The following IQCM variants were observed in gnomAD, a reference collection of about 807,000 sequenced individuals.
The protein encoded by IQCM is IQ domain-containing protein M.
Under a neutral mutation model 57.6 loss-of-function variants are expected in IQCM, and 45 were observed. That is an observed-to-expected ratio of 0.78 (90% CI 0.62 to 1.00). IQCM has a LOEUF of 1.00. Among genes scored for constraint, IQCM ranks in the 50% least tolerant of loss-of-function variants. The pLI is 0.00. For synonymous variants in IQCM, 148 were observed against 158.9 expected, an observed-to-expected ratio of 0.93 and a Z score of 0.51; for missense variants, 468 against 511.6, an observed-to-expected ratio of 0.91 and a Z score of 0.82.
At chr4:149,490,106 G>A (rs1402536292) in intron 12 of IQCM, among the ~76,000 whole-genome samples, 1 of 151,890 alleles carries the variant, frequency 6.6e-6, no homozygotes, top group Non-Finnish European at 1.5e-5. Context: ...ACTATAATAG[G>A]TTGGAGAAAT....
At chr4:149,748,002 T>G (rs966109187) in intron 2 of IQCM, among the ~76,000 whole-genome samples, 7 of 152,152 alleles carry the variant, frequency 4.6e-5, no homozygotes, top group Non-Finnish European at 1.0e-4. Context: ...GCAAACCAAT[T>G]AACCTCTCTG....
chr4:149,409,080 T>A (rs1429907530), intron 13 of IQCM, among the ~76,000 whole-genome samples: 1 of 152,190 alleles, frequency 6.6e-6, no homozygotes, highest in Admixed American at 6.5e-5. Context: ...CTGCCCCATG[T>A]CATTCTGGAA....
chr4:149,521,839 C>T (rs867496923), intron 12 of IQCM, among the ~76,000 whole-genome samples: 2 of 152,150 alleles, frequency 1.3e-5, no homozygotes, highest in African/African-American at 2.4e-5. Context: ...TGCTTTGTCT[C>T]CAGACAAGAT....
chr4:149,541,871 C>G (rs1747885167), intron 12 of IQCM, among the ~76,000 whole-genome samples: 1 of 152,040 alleles, frequency 6.6e-6, no homozygotes, highest in East Asian at 1.9e-4. Flanking sequence ...TACATATGCG[C>G]TCAGGTGAAA....
chr4:149,517,211 C>T (rs772734051), intron 12 of IQCM, among the ~76,000 whole-genome samples: 3 of 151,646 alleles, frequency 2.0e-5, no homozygotes, highest in Middle Eastern at 3.4e-3. Context: ...GTCATCAGTT[C>T]CAGCTATGAC....
intron 12 of IQCM, among the ~76,000 whole-genome samples, chr4:149,468,423 G>T (rs1333764806): frequency 6.6e-6 from 1 of 152,202 alleles, no homozygotes; most frequent in Non-Finnish European, 1.5e-5. Context: ...CAGCGAGGCT[G>T]GGGGAGGGGC....
intron 13 of IQCM, among the ~76,000 whole-genome samples, chr4:149,367,997 CTCTATT>C (rs1729960584): frequency 1.3e-5 from 2 of 151,930 alleles, no homozygotes; most frequent in South Asian, 4.1e-4. Flanking sequence ...TGTCCTTGTT[CTCTATT>C]TTAAGTAGCT....
intron 4 of IQCM, among the ~76,000 whole-genome samples, chr4:149,733,724 C>T (rs1445577702): frequency 6.6e-6 from 1 of 152,050 alleles, no homozygotes; most frequent in Non-Finnish European, 1.5e-5. Flanking sequence ...TCTAAAAGTC[C>T]TTCACAAGCA....
intron 5 of IQCM, among the ~76,000 whole-genome samples, chr4:149,701,406 G>A (rs140039681): frequency 4.0e-4 from 61 of 152,126 alleles, no homozygotes; most frequent in Non-Finnish European, 7.1e-4. Flanking sequence ...AGCATGGGAC[G>A]AGGTGTAATT....
intron 2 of IQCM, among the ~76,000 whole-genome samples, chr4:149,780,546 T>TATATATAAAA (rs59087898): frequency 6.0e-5 from 9 of 150,878 alleles, no homozygotes; most frequent in South Asian, 4.2e-4. Flanking sequence ...TATATATATA[T>TATATATAAAA]AAAACATATT....
chr4:149,417,340 TC>T (rs1733814943), intron 13 of IQCM, among the ~76,000 whole-genome samples: 1 of 152,120 alleles, frequency 6.6e-6, no homozygotes. Flanking sequence ...TGGAGATCTA[TC>T]TGCATGTTCA....
At chr4:149,771,277 C>T (rs534101104) in intron 2 of IQCM, among the ~76,000 whole-genome samples, 1 of 151,972 alleles carries the variant, frequency 6.6e-6, no homozygotes, top group Non-Finnish European at 1.5e-5. Flanking sequence ...TTTTTGTCTT[C>T]GAATTGTCAT....
intron 12 of IQCM, among the ~76,000 whole-genome samples, chr4:149,488,682 A>G (rs1412479046): frequency 6.6e-6 from 1 of 152,128 alleles, no homozygotes; most frequent in East Asian, 1.9e-4. Flanking sequence ...AAAAGGCTCT[A>G]TTGGGTCATA....
In IQCM at chr4:149,446,339, T is replaced by C. The variant is rs1736504684; in HGVS notation, c.1229-12782A>G. Among the ~76,000 whole-genome samples the C allele has an allele frequency of 3.3e-5, 5 of 151,696 alleles. No homozygotes were observed. In the Admixed American group the frequency reaches 3.3e-4, roughly 10 times the overall value. ...GCGGTAAGCTAACTGGTCCATGAAA[T>C]AATTGAATCCATGATGCTACTTTTA... On this transcript the variant is annotated intron_variant, in intron 12 of 13. Transcript: ENST00000636793.
At chr4:149,781,552 G>C (rs904431054) in intron 2 of IQCM, among the ~76,000 whole-genome samples, 1 of 152,130 alleles carries the variant, frequency 6.6e-6, no homozygotes, top group East Asian at 1.9e-4. Context: ...AGTGATGCTG[G>C]TATATTGTTA....
At chr4:149,398,290 A>G (rs893483382) in intron 13 of IQCM, among the ~76,000 whole-genome samples, 2 of 152,004 alleles carry the variant, frequency 1.3e-5, no homozygotes, top group Non-Finnish European at 2.9e-5. Flanking sequence ...TATATTTTGA[A>G]GTCAGAAAGA....
rs2150033562 is a variant in IQCM, at chr4:149,601,799, C to T, written c.682-13802G>A. Among the ~76,000 whole-genome samples, 2 of 152,138 alleles carry T rather than the reference C, an allele frequency of 1.3e-5. 1 individual carries two copies. Among genetic ancestry groups the T allele is most frequent in the South Asian group, 4.1e-4 (2 of 4,828 alleles). On this transcript the variant is annotated intron_variant, in intron 8 of 13. Coordinates refer to ENST00000636793, the MANE Select transcript of IQCM (RefSeq NM_001363507.2). The stretch of plus-strand genomic sequence containing the variant: ...TATGGCCTGGCGCGGTGGCTCATGC[C>T]TGTAATCCCAGCACTTTGAGAGGCC...
chr4:149,583,182 A>C (rs1035171900), intron 9 of IQCM, among the ~76,000 whole-genome samples: 3 of 151,610 alleles, frequency 2.0e-5, no homozygotes, highest in Admixed American at 6.6e-5. Context: ...GAATACAACT[A>C]TTCTTCATCT....
At chr4:149,684,941 C>G (rs1456224632) in intron 6 of IQCM, among the ~76,000 whole-genome samples, 1 of 151,370 alleles carries the variant, frequency 6.6e-6, no homozygotes, top group African/African-American at 2.4e-5. Flanking sequence ...CATGCACTTG[C>G]TCTTAATTTC....
Sources: gnomAD v4.1 joint callset for allele counts (sites outside exome capture counted in the v4.1 genomes callset) on GRCh38, gnomAD v4.1.1 for gene constraint, MANE v1.5 for transcripts, NCBI Gene and HGNC (gene_info 2026-07-23, HGNC 2026-07-21) for gene names.